STS: variants seen among roughly 807,000 people sequenced by gnomAD.
The protein encoded by STS is steroid sulfatase.
STS carries 7 observed loss-of-function variants against 26.8 expected under a neutral mutation model. The observed-to-expected ratio is 0.26, with a 90% CI of 0.15 to 0.49. The LOEUF (loss-of-function observed/expected upper bound fraction) is 0.49. STS is among the 20% of genes least tolerant of loss of function. STS has a pLI of 0.98. For synonymous variants in STS, 199 were observed against 189.4 expected, an observed-to-expected ratio of 1.05 and a Z score of -0.42; for missense variants, 434 against 465.6, an observed-to-expected ratio of 0.93 and a Z score of 0.63.
chrX:7,269,489 T>C (rs1245762380), intron 6 of STS, among the ~76,000 whole-genome samples: 1 of 109,042 alleles, frequency 9.2e-6, no homozygotes, highest in Admixed American at 1.0e-4. Flanking sequence ...CCCTGCCAGG[T>C]TGAGATAAGT....
chrX:7,341,792 CTT>C (rs1210597139), intron 10 of STS, among the ~76,000 whole-genome samples: 1 of 104,766 alleles, frequency 9.5e-6, no homozygotes, highest in African/African-American at 3.5e-5. Context: ...ACCATCATCT[CTT>C]TTTTTTTTTA....
chrX:7,279,363 G>A (rs55833040), intron 7 of STS, among the ~76,000 whole-genome samples: 647 of 46,569 alleles, frequency 0.014, 11 homozygotes, highest in African/African-American at 0.032. Flanking sequence ...GTGTGTATAT[G>A]TGTGTGTGTG....
intron 1 of STS, among the ~76,000 whole-genome samples, chrX:7,187,396 G>C (rs1405294143): frequency 8.9e-6 from 1 of 111,860 alleles, no homozygotes; most frequent in Non-Finnish European, 1.9e-5. Context: ...GCCTGAGACT[G>C]TCCCAGTTTG....
intron 7 of STS, 90 bp from the exon 8 acceptor site, chrX:7,304,956 G>C: frequency 9.3e-7 from 1 of 1,078,609 alleles, no homozygotes; most frequent in East Asian, 3.1e-5. Flanking sequence ...CTTCCACCTT[G>C]AGAAATTAGC....
rs1316422659 is a variant in STS at position 7,155,508 on chromosome X, A to G, written c.-134+7425A>G. Among the ~76,000 whole-genome samples, 5 of 112,375 alleles carry G rather than the reference A, an allele frequency of 4.4e-5. No homozygotes were observed. The Admixed American group carries it at 4.7e-4, about 11-fold the overall frequency. ...GAACAGATTATGTTTATATGTATAT[A>G]TGTATACCATGCATATGTTATATAA... On this transcript the variant is annotated intron_variant, in intron 1 of 10. Transcript: ENST00000674429.
intron 1 of STS, among the ~76,000 whole-genome samples, chrX:7,176,990 A>G (rs1270417107): frequency 8.9e-6 from 1 of 111,853 alleles, no homozygotes; most frequent in Non-Finnish European, 1.9e-5. Flanking sequence ...TTTTGCCTCT[A>G]TGAAAATAAT....
chrX:7,328,866 T>C (rs1207718816), intron 9 of STS, among the ~76,000 whole-genome samples: 2 of 111,295 alleles, frequency 1.8e-5, no homozygotes, highest in Non-Finnish European at 3.8e-5. Flanking sequence ...CAGCTAATTT[T>C]TGTATTTTTA....
At chrX:7,291,835 G>A (rs776343725) in intron 7 of STS, among the ~76,000 whole-genome samples, 2 of 111,513 alleles carry the variant, frequency 1.8e-5, no homozygotes, top group East Asian at 5.6e-4. Flanking sequence ...AAACAAAAAT[G>A]ACAAAATTAC....
chrX:7,258,698 A>G (rs1235182277), intron 5 of STS, among the ~76,000 whole-genome samples: 8 of 111,403 alleles, frequency 7.2e-5, no homozygotes, highest in African/African-American at 2.6e-4. Flanking sequence ...GCACTCATTA[A>G]TTTAGTGATC....
At position 7,324,810 on chromosome X, in the gene STS, G is replaced by C. The variant is rs181804349; in HGVS notation, c.1082-529G>C. On this transcript the variant is annotated intron_variant, in intron 8 of 10. Coordinates refer to ENST00000674429, the MANE Select transcript of STS (RefSeq NM_001320752.2). Reference sequence around the variant, plus strand: ...CGAGGGGCTTAGAATTTTATTTTTGGTTTACAACCCTATGATTATATTAGA... The same window carrying C: ...CGAGGGGCTTAGAATTTTATTTTTGCTTTACAACCCTATGATTATATTAGA... Among the ~76,000 whole-genome samples the C allele has an allele frequency of 2.7e-5, 3 of 111,525 alleles. No homozygotes were observed. In the East Asian group the frequency reaches 8.5e-4, roughly 31 times the overall value.
At chrX:7,219,789 C>T (rs1010145169) in intron 2 of STS, 2 of 929,029 alleles carry the variant, frequency 2.2e-6, no homozygotes, top group East Asian at 3.1e-5. Context: ...ATTCTCCCAA[C>T]ATGTGTTGTC....
rs868386301 is a variant in STS, at chrX:7,320,002, T to A, written c.1082-5337T>A. ...TGTATATATATTTATATATATATTTTTATATATATATTTATATATATTTAT... is the reference window on the plus strand; with the variant it reads ...TGTATATATATTTATATATATATTTATATATATATATTTATATATATTTAT... On this transcript the variant is annotated intron_variant, in intron 8 of 10. Coordinates refer to ENST00000674429, the MANE Select transcript of STS (RefSeq NM_001320752.2). Among the ~76,000 whole-genome samples, 262 of 81,114 alleles carry A rather than the reference T, an allele frequency of 3.2e-3. 2 individuals are homozygous for A. Among genetic ancestry groups the A allele is most frequent in the African/African-American group, 0.011 (186 of 17,316 alleles). The allele number at this position is 81,114 out of a possible 115,157, so 70.4% of individuals were successfully genotyped here.
intron 1 of STS, among the ~76,000 whole-genome samples, chrX:7,166,002 CTTT>C (rs777828028): frequency 3.2e-5 from 3 of 93,363 alleles, no homozygotes. Flanking sequence ...CTGTCGCTGT[CTTT>C]TTTTTTTTTT....
chrX:7,298,569 G>T (rs1303539571), intron 7 of STS, among the ~76,000 whole-genome samples: 1 of 111,297 alleles, frequency 9.0e-6, no homozygotes, highest in Non-Finnish European at 1.9e-5. Flanking sequence ...TTCCCTTTCT[G>T]GGACTAGTGA....
Position 7,195,857 on chromosome X carries a change from A to G in STS, c.-5+4849A>G, listed in dbSNP as rs189147202. ...ATAGAAGTTTCTGTGACTAAAAACAATGACAACCATTACTTTCTCTACCTG... is the reference window on the plus strand; with the variant it reads ...ATAGAAGTTTCTGTGACTAAAAACAGTGACAACCATTACTTTCTCTACCTG... On this transcript the variant is annotated intron_variant, in intron 2 of 10. Transcript: ENST00000674429. 1.6e-3 allele frequency among the ~76,000 whole-genome samples: 184 copies of G among 112,195 alleles called. 2 individuals carry two copies. Among genetic ancestry groups the G allele is most frequent in the Non-Finnish European group, 1.4e-3 (72 of 53,217 alleles).
At chrX:7,248,661 A>G (rs1032730819) in intron 2 of STS, among the ~76,000 whole-genome samples, 4 of 58,433 alleles carry the variant, frequency 6.8e-5, no homozygotes, top group Non-Finnish European at 1.1e-4. Context: ...ATTTAACATT[A>G]TAAGAATTTT....
At chrX:7,236,878 C>CTT (rs58121019) in intron 2 of STS, among the ~76,000 whole-genome samples, 55 of 101,682 alleles carry the variant, frequency 5.4e-4, no homozygotes, top group East Asian at 3.1e-3. Context: ...AAAGACCATC[C>CTT]TTTTTTTTTT....
At chrX:7,217,879 A>G (rs1354936701) in intron 2 of STS, among the ~76,000 whole-genome samples, 7 of 111,742 alleles carry the variant, frequency 6.3e-5, no homozygotes, top group Admixed American at 4.8e-4. Flanking sequence ...TTTTACAACT[A>G]TATTGGTGCA....
At chrX:7,248,722 TA>T (rs1202860414) in intron 2 of STS, among the ~76,000 whole-genome samples, 3 of 111,848 alleles carry the variant, frequency 2.7e-5, no homozygotes, top group African/African-American at 9.8e-5. Context: ...AAAATACACA[TA>T]ACATAAAATT....
Sources: allele counts gnomAD v4.1 joint callset (sites outside exome capture counted in the v4.1 genomes callset), GRCh38; gene constraint gnomAD v4.1.1; transcripts MANE v1.5; gene names NCBI Gene and HGNC (gene_info 2026-07-23, HGNC 2026-07-21).